Variants in ZNF804A observed in about 807,000 individuals in gnomAD.
The protein encoded by ZNF804A is zinc finger protein 804A.
Under a neutral mutation model 16.5 loss-of-function variants are expected in ZNF804A, and 2 were observed. That is an observed-to-expected ratio of 0.12 (90% CI 0.05 to 0.38). ZNF804A has a LOEUF of 0.38. Among genes scored for constraint, ZNF804A ranks in the 10% least tolerant of loss-of-function variants. The pLI, the probability that ZNF804A is intolerant of heterozygous loss-of-function variation, is 0.99. For synonymous variants in ZNF804A, 534 were observed against 489.6 expected (o/e 1.09, Z -1.20); for missense variants, 1,473 against 1,390.7 (o/e 1.06, Z -0.94).
chr2:184,792,984 T>C (rs548008469), intron 1 of ZNF804A, among the ~76,000 whole-genome samples: 412 of 152,172 alleles, frequency 2.7e-3, no homozygotes, highest in Non-Finnish European at 4.3e-3. Flanking sequence ...TGTACATATG[T>C]GCTTGTTGTT....
intron 2 of ZNF804A, among the ~76,000 whole-genome samples, chr2:184,869,023 T>G (rs1695929721): frequency 6.6e-6 from 1 of 152,020 alleles, no homozygotes; most frequent in African/African-American, 2.4e-5. Context: ...AAACTCTTCG[T>G]GCGCTGAAAT....
At chr2:184,623,934 G>C (rs1691456076) in intron 1 of ZNF804A, among the ~76,000 whole-genome samples, 2 of 152,140 alleles carry the variant, frequency 1.3e-5, no homozygotes, top group African/African-American at 4.8e-5. Flanking sequence ...TAAGAGGAAA[G>C]CATAATTCAA....
chr2:184,679,259 A>G (rs1356594448), intron 1 of ZNF804A, among the ~76,000 whole-genome samples: 2 of 152,258 alleles, frequency 1.3e-5, no homozygotes, highest in East Asian at 3.8e-4. Context: ...TAATCCAAAG[A>G]TACAATAACA....
At chr2:184,602,998 T>C (rs546823269) in intron 1 of ZNF804A, among the ~76,000 whole-genome samples, 38 of 152,240 alleles carry the variant, frequency 2.5e-4, no homozygotes, top group Non-Finnish European at 3.8e-4. Context: ...CACAGAATAA[T>C]TTGATTAAAT....
intron 1 of ZNF804A, among the ~76,000 whole-genome samples, chr2:184,702,218 TTATC>T (rs1157572908): frequency 6.6e-6 from 1 of 152,050 alleles, no homozygotes; most frequent in Non-Finnish European, 1.5e-5. Context: ...TCACAACCCT[TTATC>T]TATGATCATT....
chr2:184,880,805 G>A (rs928095072), intron 2 of ZNF804A, among the ~76,000 whole-genome samples: 9 of 152,116 alleles, frequency 5.9e-5, no homozygotes, highest in Admixed American at 5.9e-4. Context: ...AGAGCAAGAG[G>A]GTGCCCAATT....
chr2:184,881,481 T>C (rs1044213154), intron 2 of ZNF804A, among the ~76,000 whole-genome samples: 3 of 152,046 alleles, frequency 2.0e-5, no homozygotes, highest in African/African-American at 4.8e-5. Flanking sequence ...TCTCCAAGGT[T>C]AAAATGAAAG....
chr2:184,703,650 A>AC (rs1289388100), intron 1 of ZNF804A, among the ~76,000 whole-genome samples: 1 of 133,434 alleles, frequency 7.5e-6, no homozygotes, highest in African/African-American at 2.8e-5. Flanking sequence ...AGATTGCGCC[A>AC]CTGCACTCCA....
At chr2:184,892,599 C>T (rs773763083) in intron 2 of ZNF804A, among the ~76,000 whole-genome samples, 1 of 151,560 alleles carries the variant, frequency 6.6e-6, no homozygotes, top group African/African-American at 2.4e-5. Context: ...AACCTCCTGC[C>T]TCATCCCCCC....
chr2:184,797,407 T>C (rs1694650433), intron 1 of ZNF804A, among the ~76,000 whole-genome samples: 1 of 152,150 alleles, frequency 6.6e-6, no homozygotes, highest in South Asian at 2.1e-4. Flanking sequence ...TTAACCACTG[T>C]TGCTTTAAAG....
intron 2 of ZNF804A, among the ~76,000 whole-genome samples, chr2:184,880,614 C>G (rs1443504587): frequency 6.6e-6 from 1 of 151,762 alleles, no homozygotes; most frequent in Admixed American, 6.6e-5. Flanking sequence ...TTTTTGAGAT[C>G]TCATGTTTCT....
At chr2:184,827,004 A>G (rs1695178402) in intron 1 of ZNF804A, among the ~76,000 whole-genome samples, 1 of 151,898 alleles carries the variant, frequency 6.6e-6, no homozygotes, top group Non-Finnish European at 1.5e-5. Flanking sequence ...TCTTGGTCAT[A>G]TATTTTTGCC....
intron 1 of ZNF804A, among the ~76,000 whole-genome samples, chr2:184,716,201 A>C (rs1289506405): frequency 6.6e-6 from 1 of 152,146 alleles, no homozygotes; most frequent in African/African-American, 2.4e-5. Flanking sequence ...TGAGGAATGT[A>C]ACTATAATTA....
chr2:184,697,893 A>C (rs1205737266), intron 1 of ZNF804A, among the ~76,000 whole-genome samples: 1 of 152,034 alleles, frequency 6.6e-6, no homozygotes, highest in Non-Finnish European at 1.5e-5. Context: ...ACATTGTTTC[A>C]TTAGATTGTG....
intron 2 of ZNF804A, among the ~76,000 whole-genome samples, chr2:184,894,138 T>C (rs1392043682): frequency 6.6e-6 from 1 of 152,082 alleles, no homozygotes. Flanking sequence ...ATTTAAGATA[T>C]GGAAAGGAAA....
At chr2:184,873,417 G>A (rs1481122628) in intron 2 of ZNF804A, among the ~76,000 whole-genome samples, 1 of 152,200 alleles carries the variant, frequency 6.6e-6, no homozygotes, top group African/African-American at 2.4e-5. Context: ...GAGCCTGGGA[G>A]ATCGAGGCAG....
rs188293570 is a variant in ZNF804A at position 184,852,918 on chromosome 2, C to T, written c.112-13451C>T. On this transcript the variant is annotated intron_variant, in intron 1 of 3. Transcript: ENST00000302277. Reference sequence around the variant, plus strand: ...TTCTCTCTATTCAAGGTTGCTTTGACTATTTGGACTCTTTTTTGGTTTCAT... The same window carrying T: ...TTCTCTCTATTCAAGGTTGCTTTGATTATTTGGACTCTTTTTTGGTTTCAT... 1.8e-4 allele frequency among the ~76,000 whole-genome samples: 28 copies of T among 151,756 alleles called. No homozygotes were observed. The East Asian group carries it at 3.3e-3, about 18-fold the overall frequency.
chr2:184,748,903 C>T (rs188560936), intron 1 of ZNF804A, among the ~76,000 whole-genome samples: 28 of 151,100 alleles, frequency 1.9e-4, no homozygotes, highest in African/African-American at 3.6e-4. Flanking sequence ...TGTAGGTGTG[C>T]GGCTTTATTT....
At chr2:184,920,703 A>G (rs956520451) in intron 2 of ZNF804A, among the ~76,000 whole-genome samples, 1 of 152,206 alleles carries the variant, frequency 6.6e-6, no homozygotes, top group Non-Finnish European at 1.5e-5. Flanking sequence ...TCATGATTTC[A>G]GTGGGTCTTA....
Sources: allele counts gnomAD v4.1 joint callset (sites outside exome capture counted in the v4.1 genomes callset), GRCh38; gene constraint gnomAD v4.1.1; transcripts MANE v1.5; gene names NCBI Gene and HGNC (gene_info 2026-07-23, HGNC 2026-07-21).